Variants in PATE1 observed in about 807,000 individuals in gnomAD.
PATE1 encodes the protein prostate and testis expressed 1.
Under a neutral mutation model 13.1 loss-of-function variants are expected in PATE1, and 21 were observed. That is an observed-to-expected ratio of 1.61 (90% CI 1.14 to 2.31). The LOEUF is 2.31. Among genes scored for constraint, PATE1 ranks in the 30% most tolerant of loss-of-function variants. PATE1 has a pLI of 0.00. For missense variants in PATE1, 166 were observed against 147.2 expected (o/e 1.13, Z -0.66); for synonymous variants, 52 against 47.1 (o/e 1.10, Z -0.43).
At chr11:125,747,930 C>T in intron 4 of PATE1, 108 bp downstream of exon 4, 1 of 1,486,698 alleles carries the variant, frequency 6.7e-7, no homozygotes, top group Non-Finnish European at 9.1e-7. Context: ...TAGGCAGTCT[C>T]ATACCTGGGA....
Position 125,747,696 on chromosome 11 carries a change from C to A in PATE1, c.125-4C>A, listed in dbSNP as rs1943285591. ...CACTTCTCTTTCCCCTCTCTCTGGC[C>A]AAGTGATAGAAATTGTTCAGTGTAG... On this transcript the variant is annotated splice_region_variant and splice_polypyrimidine_tract_variant and intron_variant, in intron 3 of 4. Transcript: ENST00000305738. The A allele has an allele frequency of 1.2e-6, 2 of 1,612,980 alleles. No homozygotes were observed. The highest frequency in any genetic ancestry group is 1.7e-6 in the Non-Finnish European group (2 of 1,179,598).
In PATE1 at chr11:125,748,736, G is replaced by C. The variant is rs1943303088; in HGVS notation, c.*3G>C. The C allele has an allele frequency of 6.2e-7, 1 of 1,611,718 alleles. No homozygotes were observed. The highest frequency in any genetic ancestry group is 1.7e-5 in the Admixed American group (1 of 59,488). On this transcript the variant is annotated 3_prime_UTR_variant, in exon 5 of 5. Coordinates refer to ENST00000305738, the MANE Select transcript of PATE1 (RefSeq NM_138294.3). ...ACCTGTGCAATGAAGACCTTTAGAA[G>C]TTAATGGTTCTTCTGTGACTCCAAT...
In PATE1 at chr11:125,747,812, G is replaced by A; in HGVS notation, c.237G>A (p.Arg79=). ...ATTEEACMVG[R]MFKRDGNPWL... ...CAGAAGAGGCCTGCATGGTTGGAAG[G>A]ATGTTCAAAAGTAAGTTGTGGGTTG... The change falls in exon 4 of 5, where the codon AGG becomes AGA. Residue 79 remains arginine (R), a synonymous_variant. Transcript: ENST00000305738. 6.2e-7 allele frequency: 1 copy of A among 1,613,792 alleles called. No individual in the cohort carries two copies. Among genetic ancestry groups the A allele is most frequent in the Non-Finnish European group, 8.5e-7 (1 of 1,179,754 alleles).
Position 125,747,400 on chromosome 11 carries a change from A to G in PATE1, c.113A>G (p.Asn38Ser). The G allele has an allele frequency of 6.2e-7, 1 of 1,612,612 alleles. No individual in the cohort carries two copies. The change falls in exon 3 of 5, where the codon AAC becomes AGC. Residue 38 changes from asparagine to serine, a missense_variant. By Grantham distance (46) the Asn-to-Ser change is conservative. Transcript: ENST00000305738. ...GTCAATGAAATAGTTGCTGTGAAAA[A>G]CAATTTTCCTGGTAAGTATGAAGAG... ...DAVNEIVAVKNNFPVIEIVQC... is the reference protein window; with the variant it reads ...DAVNEIVAVKSNFPVIEIVQC...
Position 125,748,630 on chromosome 11 carries a change from G to A in PATE1, c.278G>A (p.Gly93Asp). ...RDGNPWLTFM[G>D]CLKNCADVKG... ...GGTAATCCCTGGTTAACCTTCATGG[G>A]CTGCCTAAAGAACTGTGCTGATGTG... The change falls in exon 5 of 5, where the codon GGC (glycine) becomes GAC (aspartate). Residue 93 changes from glycine (G) to aspartate (D), a missense_variant. Transcript: ENST00000305738. 6.2e-7 allele frequency: 1 copy of A among 1,613,796 alleles called. No homozygotes were observed. Among genetic ancestry groups the A allele is most frequent in the South Asian group, 1.1e-5 (1 of 91,042 alleles).
intron 4 of PATE1, chr11:125,748,117 G>A (rs1342170514): frequency 5.3e-6 from 2 of 375,662 alleles, no homozygotes; most frequent in Non-Finnish European, 9.8e-6. Flanking sequence ...GTAACAGTGT[G>A]TTGTTGAGTT....
rs760269035 is a variant in PATE1 at position 125,746,672 on chromosome 11, T to A, written c.64T>A (p.Ser22Thr). ...LLCCFRALSG[S>T]LSMRNDAVNE... is the part of the protein sequence containing the mutation. ...TTTTTTTCCAACAGCATTATCTGGA[T>A]CACTTTCAATGAGAAATGATGCAGG... Residue 22 changes from serine to threonine, a missense_variant, in exon 2 of 5, where the codon TCA (serine) becomes ACA (threonine). Transcript: ENST00000305738. 1.9e-6 allele frequency: 3 copies of A among 1,613,536 alleles called. No individual in the cohort carries two copies. In the African/African-American group the frequency reaches 4.0e-5, roughly 22 times the overall value.
chr11:125,747,124 C>G (rs1277297219), intron 2 of PATE1, among the ~76,000 whole-genome samples: 7 of 152,106 alleles, frequency 4.6e-5, no homozygotes, highest in African/African-American at 1.7e-4. Flanking sequence ...CTTTCTCCTC[C>G]TGGTCTGTGC....
intron 2 of PATE1, among the ~76,000 whole-genome samples, chr11:125,747,148 A>T (rs1459126550): frequency 6.6e-6 from 1 of 152,098 alleles, no homozygotes; most frequent in Non-Finnish European, 1.5e-5. Flanking sequence ...ATCCTATAGG[A>T]ATGGGTAGAT....
At position 125,748,992 on chromosome 11, in the gene PATE1, C is replaced by G. The variant is rs1943306559; in HGVS notation, c.*259C>G. The G allele has an allele frequency of 5.7e-6, 2 of 352,206 alleles. No individual in the cohort carries two copies. The highest frequency in any genetic ancestry group is 1.0e-5 in the Non-Finnish European group (2 of 198,394). The allele number at this position is 352,206 out of a possible 1,614,324, so 21.8% of individuals were successfully genotyped here. On this transcript the variant is annotated 3_prime_UTR_variant, in exon 5 of 5. Transcript: ENST00000305738. ...ATATATCCTGCAGGTTGCTACAAAC[C>G]CTTGTGCTTTCACTGTATAGCCAGT...
chr11:125,747,304 A>T, intron 2 of PATE1, 72 bp from the exon 3 acceptor site: 4 of 1,444,584 alleles, frequency 2.8e-6, no homozygotes, highest in Non-Finnish European at 3.8e-6. Context: ...TGAAGGGCAG[A>T]CTATAAGAAC....
chr11:125,748,642 A>C lies in PATE1; in HGVS notation c.290A>C (p.Asn97Thr), dbSNP rs547008428. 1 of 1,613,908 alleles carries C rather than the reference A, an allele frequency of 6.2e-7. No individual in the cohort carries two copies. The highest frequency in any genetic ancestry group is 2.2e-5 in the East Asian group (1 of 44,870). ...TTAACCTTCATGGGCTGCCTAAAGA[A>C]CTGTGCTGATGTGAAAGGCATAAGG... is the stretch of plus-strand genomic sequence containing the variant. Reference protein sequence around the residue: ...PWLTFMGCLKNCADVKGIRWS... With the variant: ...PWLTFMGCLKTCADVKGIRWS... The change falls in exon 5 of 5, where the codon AAC (asparagine) becomes ACC (threonine). Residue 97 changes from asparagine to threonine, a missense_variant. Physicochemically the swap from Asn to Thr is moderately conservative, Grantham distance 65. Transcript: ENST00000305738.
chr11:125,747,141 C>A (rs1200686385), intron 2 of PATE1, among the ~76,000 whole-genome samples: 13 of 152,062 alleles, frequency 8.5e-5, no homozygotes, highest in Non-Finnish European at 1.6e-4. Flanking sequence ...GTGCTGCATC[C>A]TATAGGAATG....
intron 3 of PATE1, 46 bp downstream of exon 3, chr11:125,747,457 T>C (rs1163034719): frequency 6.4e-7 from 1 of 1,553,754 alleles, no homozygotes; most frequent in Non-Finnish European, 8.8e-7. Flanking sequence ...CTTGATAATG[T>C]TTCACTTTTC....
rs1257090359 is a variant in PATE1, at chr11:125,747,361, C to A, written c.89-15C>A. ...GGCACATTTCAGATGTGTTTTCTTTCTCTTGCCAGTACAGTCAATGAAATA... is the reference window on the plus strand; with the variant it reads ...GGCACATTTCAGATGTGTTTTCTTTATCTTGCCAGTACAGTCAATGAAATA... On this transcript the variant is annotated splice_polypyrimidine_tract_variant and intron_variant, in intron 2 of 4. Transcript: ENST00000305738. 1.9e-6 allele frequency: 3 copies of A among 1,609,954 alleles called. No homozygotes were observed. Among genetic ancestry groups the A allele is most frequent in the African/African-American group, 2.7e-5 (2 of 74,892 alleles).
chr11:125,748,102 A>C (rs1943290192), intron 4 of PATE1: 2 of 416,642 alleles, frequency 4.8e-6, no homozygotes, highest in Non-Finnish European at 8.8e-6. Flanking sequence ...ATCTATGCCC[A>C]ATGGGTAACA....
chr11:125,747,735 C>T lies in PATE1; in HGVS notation c.160C>T (p.Gln54Ter). 1 of 1,613,770 alleles carries T rather than the reference C, an allele frequency of 6.2e-7. No homozygotes were observed. The change falls in exon 4 of 5, where the codon CAG (glutamine) becomes TAG (stop). Residue 54 changes from glutamine to a stop codon, truncating the protein, a stop_gained. Coordinates refer to ENST00000305738, the MANE Select transcript of PATE1 (RefSeq NM_138294.3). LOFTEE classifies it high-confidence loss of function. ...EIVQCRMCHLQFPGEKCSRGR... is the reference protein window; with the variant it reads ...EIVQCRMCHL ...TGTTCAGTGTAGGATGTGCCACCTC[C>T]AGTTCCCAGGAGAAAAGTGCTCCAG... is the stretch of plus-strand genomic sequence containing the variant.
At chr11:125,746,779 C>CA (rs542004469) in intron 2 of PATE1, 83 bp downstream of exon 2, 114 of 1,363,018 alleles carry the variant, frequency 8.4e-5, no homozygotes, top group East Asian at 3.5e-4. Context: ...CACCAGGGGC[C>CA]AAAAAAAACC....
At chr11:125,748,142 T>A (rs1943290506) in intron 4 of PATE1, 2 of 341,166 alleles carry the variant, frequency 5.9e-6, no homozygotes, top group Non-Finnish European at 5.4e-6. Flanking sequence ...AGGGGGCTTT[T>A]GGTTCTTGTG....
Sources: gnomAD v4.1 joint callset for allele counts (sites outside exome capture counted in the v4.1 genomes callset) on GRCh38, gnomAD v4.1.1 for gene constraint, MANE v1.5 for transcripts, NCBI Gene and HGNC (gene_info 2026-07-23, HGNC 2026-07-21) for gene names.